Variants in LOC128092252 observed in about 807,000 individuals in gnomAD.
chr15:50,653,325 T>A, the LOC128092252 span, among the ~76,000 whole-genome samples: 1 of 152,210 alleles, frequency 6.6e-6, no homozygotes, highest in Non-Finnish European at 1.5e-5. Flanking sequence ...ACTGAATGTC[T>A]GTTCATTATA....
At chr15:50,682,434 T>C in the LOC128092252 span, among the ~76,000 whole-genome samples, 1 of 151,590 alleles carries the variant, frequency 6.6e-6, no homozygotes, top group African/African-American at 2.4e-5. Context: ...AAAAATTAGA[T>C]GGGCGTTGTG....
the LOC128092252 span, among the ~76,000 whole-genome samples, chr15:50,655,296 G>A: frequency 6.6e-6 from 1 of 151,772 alleles, no homozygotes; most frequent in Non-Finnish European, 1.5e-5. Flanking sequence ...AGCCAGGCAT[G>A]GTGGCATGCG....
chr15:50,655,941 G>C, the LOC128092252 span, among the ~76,000 whole-genome samples: 1 of 150,810 alleles, frequency 6.6e-6, no homozygotes, highest in Non-Finnish European at 1.5e-5. Flanking sequence ...TGTGAGCTGA[G>C]ATCGCACCAC....
At chr15:50,661,684 A>G in the LOC128092252 span, among the ~76,000 whole-genome samples, 2 of 152,230 alleles carry the variant, frequency 1.3e-5, no homozygotes, top group African/African-American at 4.8e-5. Context: ...CTGTCTATTT[A>G]GCTATGTTTT....
the LOC128092252 span, among the ~76,000 whole-genome samples, chr15:50,667,120 G>T: frequency 6.6e-6 from 1 of 152,056 alleles, no homozygotes; most frequent in African/African-American, 2.4e-5. Context: ...CTGCAGCATT[G>T]ATTGGCCGAC....
chr15:50,659,273 A>AG, the LOC128092252 span, among the ~76,000 whole-genome samples: 1 of 152,144 alleles, frequency 6.6e-6, no homozygotes, highest in African/African-American at 2.4e-5. Flanking sequence ...TATATTTTAA[A>AG]GGGGGAAGGG....
the LOC128092252 span, among the ~76,000 whole-genome samples, chr15:50,679,368 C>T: frequency 6.7e-6 from 1 of 149,370 alleles, no homozygotes; most frequent in Non-Finnish European, 1.5e-5. Context: ...GACGCTTGGA[C>T]GTTCACACTG....
At chr15:50,681,168 T>C in the LOC128092252 span, among the ~76,000 whole-genome samples, 3 of 151,984 alleles carry the variant, frequency 2.0e-5, no homozygotes, top group East Asian at 1.9e-4. Context: ...GGAGAATCAC[T>C]TGAACCCGGG....
the LOC128092252 span, among the ~76,000 whole-genome samples, chr15:50,679,407 T>A: frequency 6.8e-6 from 1 of 148,012 alleles, no homozygotes; most frequent in African/African-American, 2.5e-5. Flanking sequence ...CCATTATCTA[T>A]CAGTGAGCAG....
chr15:50,657,080 T>C, the LOC128092252 span, among the ~76,000 whole-genome samples: 7 of 152,230 alleles, frequency 4.6e-5, no homozygotes, highest in South Asian at 4.2e-4. Flanking sequence ...TCCTAGCACT[T>C]TGGGAGGCCG....
the LOC128092252 span, among the ~76,000 whole-genome samples, chr15:50,673,350 G>A: frequency 1.3e-5 from 2 of 152,174 alleles, no homozygotes; most frequent in Non-Finnish European, 2.9e-5. Flanking sequence ...TGACTTGTGA[G>A]ATTTTGGTGC....
chr15:50,668,159 G>C, the LOC128092252 span, among the ~76,000 whole-genome samples: 1 of 152,102 alleles, frequency 6.6e-6, no homozygotes, highest in Admixed American at 6.6e-5. Context: ...GACTTTCACA[G>C]GTGCTCTTAA....
the LOC128092252 span, among the ~76,000 whole-genome samples, chr15:50,667,334 C>A: frequency 3.9e-5 from 6 of 152,300 alleles, no homozygotes; most frequent in East Asian, 1.2e-3. Flanking sequence ...GACCTTACAA[C>A]TGATGGATCT....
At chr15:50,675,457 A>T in the LOC128092252 span, among the ~76,000 whole-genome samples, 2 of 152,114 alleles carry the variant, frequency 1.3e-5, no homozygotes, top group African/African-American at 4.8e-5. Flanking sequence ...ATGTACATAC[A>T]TTCTTCCCAC....
At chr15:50,672,146 C>T in the LOC128092252 span, among the ~76,000 whole-genome samples, 2 of 152,050 alleles carry the variant, frequency 1.3e-5, no homozygotes, top group African/African-American at 4.8e-5. Flanking sequence ...GCTCATCTCC[C>T]GGGTTCACGC....
At chr15:50,661,689 T>C in the LOC128092252 span, among the ~76,000 whole-genome samples, 10 of 152,222 alleles carry the variant, frequency 6.6e-5, no homozygotes, top group African/African-American at 1.9e-4. Context: ...TATTTAGCTA[T>C]GTTTTTCTAA....
At chr15:50,686,474 C>T in the LOC128092252 span, 1 of 1,614,148 alleles carries the variant, frequency 6.2e-7, no homozygotes, top group South Asian at 1.1e-5. Flanking sequence ...CAAGTCTCTC[C>T]TTTACCGCCC....
chr15:50,682,702 G>C, the LOC128092252 span, among the ~76,000 whole-genome samples: 1 of 151,936 alleles, frequency 6.6e-6, no homozygotes, highest in South Asian at 2.1e-4. Flanking sequence ...TAAAGTACAA[G>C]AGGTCCAATT....
chr15:50,663,069 A>G, the LOC128092252 span: 1 of 1,570,904 alleles, frequency 6.4e-7, no homozygotes, highest in Non-Finnish European at 8.7e-7. Context: ...GTTTTAAAGA[A>G]TTGTTTATAA....
Sources: gnomAD v4.1 joint callset for allele counts (sites outside exome capture counted in the v4.1 genomes callset) on GRCh38, gnomAD v4.1.1 for gene constraint, MANE v1.5 for transcripts.